ACTA2: variants seen among roughly 807,000 people sequenced by gnomAD.
ACTA2 encodes actin, aortic smooth muscle.
A neutral mutation model predicts 39.5 loss-of-function variants in ACTA2; 12 were observed. The ratio of observed to expected loss-of-function variants is 0.30; its 90% CI spans 0.19 to 0.49. ACTA2 has a LOEUF of 0.49. ACTA2 is among the 20% of genes least tolerant of loss of function. The pLI is 0.99. For synonymous variants in ACTA2, 158 were observed against 180.6 expected, an observed-to-expected ratio of 0.88 and a Z score of 1.00; for missense variants, 236 against 498.8, an observed-to-expected ratio of 0.47 and a Z score of 5.02.
At chr10:88,941,650 A>C in intron 5 of ACTA2, 135 bp downstream of exon 5, 1 of 888,288 alleles carries the variant, frequency 1.1e-6, no homozygotes, top group South Asian at 1.4e-5. Flanking sequence ...CACTAGAAGA[A>C]GATCTTTTAG....
chr10:88,939,908 T>C lies in ACTA2; in HGVS notation c.617-210A>G. 8.4e-6 allele frequency: 5 copies of C among 597,938 alleles called. No homozygotes were observed. The South Asian group carries it at 9.5e-5, about 11-fold the overall frequency. The allele number at this position is 597,938 out of a possible 1,614,324, so 37.0% of individuals were successfully genotyped here. A position where few individuals can be genotyped will look rare whatever the true frequency, so the allele number is the denominator to read the frequency against. ...TCCTAGGACAGTGTCTCATGCATAG[T>C]AGGCCCTCAGCATGCATTGTCTGGG... is the stretch of plus-strand genomic sequence containing the variant. On this transcript the variant is annotated intron_variant, in intron 6 of 8. Transcript: ENST00000224784.
chr10:88,980,613 A>G (rs1345860225), intron 1 of ACTA2, among the ~76,000 whole-genome samples: 1 of 152,172 alleles, frequency 6.6e-6, no homozygotes, highest in Non-Finnish European at 1.5e-5. Flanking sequence ...CAAAGTAGGT[A>G]CTCGTAAGTA....
intron 4 of ACTA2, among the ~76,000 whole-genome samples, chr10:88,942,706 T>TCTGA (rs1406794810): frequency 6.6e-6 from 1 of 152,120 alleles, no homozygotes; most frequent in Non-Finnish European, 1.5e-5. Flanking sequence ...AACCAGAATG[T>TCTGA]CTGACATCAT....
At chr10:88,988,530 T>C (rs1846988832) in intron 1 of ACTA2, among the ~76,000 whole-genome samples, 1 of 151,524 alleles carries the variant, frequency 6.6e-6, no homozygotes, top group Admixed American at 6.6e-5. Flanking sequence ...ATCTTTTGAG[T>C]AGAAGCTTTA....
intron 1 of ACTA2, among the ~76,000 whole-genome samples, chr10:88,967,204 A>C (rs1039180832): frequency 3.9e-5 from 6 of 152,156 alleles, no homozygotes; most frequent in Non-Finnish European, 7.4e-5. Context: ...TTTTATACTG[A>C]AGAGCTCCCA....
intron 3 of ACTA2, among the ~76,000 whole-genome samples, chr10:88,945,312 A>G (rs1404268097): frequency 6.6e-6 from 1 of 152,240 alleles, no homozygotes; most frequent in Non-Finnish European, 1.5e-5. Context: ...ATCCTCAAGC[A>G]AACCTACTGA....
intron 1 of ACTA2, among the ~76,000 whole-genome samples, chr10:88,980,439 G>A (rs1204869270): frequency 6.6e-6 from 1 of 152,154 alleles, no homozygotes; most frequent in African/African-American, 2.4e-5. Flanking sequence ...TGTGGTGTCT[G>A]GTGAGCCAAA....
intron 1 of ACTA2, among the ~76,000 whole-genome samples, chr10:88,961,435 A>G (rs1415177766): frequency 6.6e-6 from 1 of 152,180 alleles, no homozygotes; most frequent in African/African-American, 2.4e-5. Flanking sequence ...TATGAGTGAC[A>G]CCTTGCCAAC....
At chr10:88,979,258 A>G (rs1846650289) in intron 1 of ACTA2, among the ~76,000 whole-genome samples, 1 of 151,800 alleles carries the variant, frequency 6.6e-6, no homozygotes, top group South Asian at 2.1e-4. Context: ...TACTGAGACA[A>G]AAAAGCAGAA....
chr10:88,962,912 C>CATAT (rs60878394), intron 1 of ACTA2, among the ~76,000 whole-genome samples: 2 of 101,632 alleles, frequency 2.0e-5, no homozygotes, highest in Non-Finnish European at 4.0e-5. Context: ...GGGAATGCCC[C>CATAT]ATATATATAT....
intron 1 of ACTA2, among the ~76,000 whole-genome samples, chr10:88,952,144 A>G (rs1263785035): frequency 1.3e-5 from 2 of 152,330 alleles, no homozygotes; most frequent in African/African-American, 2.4e-5. Context: ...AAGGTCACAC[A>G]TACACATTTC....
chr10:88,989,726 G>A (rs1847053857), intron 1 of ACTA2: 1 of 371,308 alleles, frequency 2.7e-6, no homozygotes, highest in Non-Finnish European at 5.3e-6. Flanking sequence ...TAAGCAAAGG[G>A]TTATTAATGT....
intron 1 of ACTA2, among the ~76,000 whole-genome samples, chr10:88,977,150 A>G (rs1033902142): frequency 2.0e-5 from 3 of 152,030 alleles, no homozygotes; most frequent in African/African-American, 7.3e-5. Flanking sequence ...TTTGCTGTGC[A>G]GAAGCTCTGT....
At chr10:88,941,710 C>T (rs955996837) in intron 5 of ACTA2, 75 bp downstream of exon 5, 8 of 1,322,778 alleles carry the variant, frequency 6.0e-6, no homozygotes, top group Non-Finnish European at 7.5e-6. Flanking sequence ...CCGTCACCCC[C>T]ACGTGTTAAC....
chr10:88,938,020 C>T (rs746392860), intron 8 of ACTA2, 41 bp downstream of exon 8: 1 of 1,611,376 alleles, frequency 6.2e-7, no homozygotes, highest in Non-Finnish European at 8.5e-7. Flanking sequence ...AGGGCTGACA[C>T]TGCTGGCGGC....
rs149253842 is a variant in ACTA2, at chr10:88,935,954, GC to G, written c.991-589del. Among the ~76,000 whole-genome samples, 1,287 of 152,284 alleles carry G rather than the reference GC, an allele frequency of 8.5e-3. 46 individuals carry two copies. In the East Asian group the frequency reaches 0.12, roughly 15 times the overall value. ...CCAGTGCACAGGCCTAACCTGCAAGGCATGCTCATGTTTCTTAAATAAATGA... is the reference window on the plus strand; with the variant it reads ...CCAGTGCACAGGCCTAACCTGCAAGGATGCTCATGTTTCTTAAATAAATGA... On this transcript the variant is annotated intron_variant, in intron 8 of 8. Transcript: ENST00000224784.
At chr10:88,966,494 T>G (rs564604364) in intron 1 of ACTA2, among the ~76,000 whole-genome samples, 29 of 152,206 alleles carry the variant, frequency 1.9e-4, no homozygotes, top group Non-Finnish European at 4.0e-4. Flanking sequence ...AATTTCTGAT[T>G]GAAATATTGA....
chr10:88,958,231 A>T (rs1308846497), intron 1 of ACTA2, among the ~76,000 whole-genome samples: 2 of 152,252 alleles, frequency 1.3e-5, no homozygotes, highest in Non-Finnish European at 2.9e-5. Context: ...AACCTGGAAC[A>T]TTCAGTAAAT....
At chr10:88,935,389 A>C (rs375863298) in intron 8 of ACTA2, 23 bp from the exon 9 acceptor site, 2 of 1,612,858 alleles carry the variant, frequency 1.2e-6, no homozygotes, top group Non-Finnish European at 1.7e-6. Flanking sequence ...ATGAAAAAGA[A>C]TGGTCATTAA....
Sources: allele counts gnomAD v4.1 joint callset (sites outside exome capture counted in the v4.1 genomes callset), GRCh38; gene constraint gnomAD v4.1.1; transcripts MANE v1.5; gene names NCBI Gene and HGNC (gene_info 2026-07-23, HGNC 2026-07-21).